Variants in MATN2 observed in about 807,000 individuals in gnomAD.
MATN2 encodes matrilin-2.
MATN2 carries 69 observed loss-of-function variants against 103.2 expected under a neutral mutation model. The ratio of observed to expected loss-of-function variants is 0.67; its 90% CI spans 0.55 to 0.82. The LOEUF is 0.82. Ranked by LOEUF, MATN2 falls within the 40% of genes least tolerant of loss-of-function variation. The probability of loss-of-function intolerance (pLI) is 0.00; values close to 1 mark genes in which losing one functional copy is unlikely to be tolerated. For missense variants in MATN2, 1,023 were observed against 1,211.5 expected (o/e 0.84, Z 2.31); for synonymous variants, 429 against 450.2 (o/e 0.95, Z 0.60).
intron 4 of MATN2, chr8:97,952,191 A>C (rs1315017142): frequency 1.3e-5 from 2 of 152,218 alleles, no homozygotes; most frequent in Non-Finnish European, 2.9e-5. Context: ...TCGTTTACCC[A>C]GTTGAGTGAA....
chr8:97,875,040 G>A (rs1057439915), intron 1 of MATN2, among the ~76,000 whole-genome samples: 3 of 152,030 alleles, frequency 2.0e-5, no homozygotes, highest in African/African-American at 4.8e-5. Context: ...GAGGACGCTC[G>A]TGATTACATT....
At position 97,961,809 on chromosome 8, in the gene MATN2, C is replaced by T. The variant is rs139611432; in HGVS notation, c.958+279C>T. Among the ~76,000 whole-genome samples the T allele has an allele frequency of 1.0e-3, 157 of 152,270 alleles. 1 individual carries two copies. Among genetic ancestry groups the T allele is most frequent in the Non-Finnish European group, 1.6e-3 (112 of 68,028 alleles). ...TGTTACTGCATCTCTTGAAAAGGAT[C>T]GGGTGGATTTTCTTCAACTTTGGAG... On this transcript the variant is annotated intron_variant, in intron 5 of 18. Transcript: ENST00000254898.
chr8:98,023,602 T>C (rs1813679460), intron 13 of MATN2, among the ~76,000 whole-genome samples: 1 of 152,042 alleles, frequency 6.6e-6, no homozygotes, highest in African/African-American at 2.4e-5. Flanking sequence ...GTGCAGGAGG[T>C]TGAGGCTACA....
At chr8:98,003,835 G>C (rs1812867791) in intron 8 of MATN2, 52 bp downstream of exon 8, 1 of 1,608,070 alleles carries the variant, frequency 6.2e-7, no homozygotes, top group Admixed American at 1.7e-5. Context: ...TCCACTCATG[G>C]GGGCGGGCGG....
At chr8:97,953,614 C>G (rs1811036698) in intron 4 of MATN2, among the ~76,000 whole-genome samples, 1 of 152,160 alleles carries the variant, frequency 6.6e-6, no homozygotes, top group South Asian at 2.1e-4. Context: ...CGGTGAAACC[C>G]TGTCTCTACT....
At chr8:97,882,277 T>A (rs1174292795) in intron 1 of MATN2, among the ~76,000 whole-genome samples, 1 of 151,996 alleles carries the variant, frequency 6.6e-6, no homozygotes, top group Non-Finnish European at 1.5e-5. Context: ...TTCCTTTTTT[T>A]AATGTATTAT....
chr8:97,874,654 A>G (rs986540132), intron 1 of MATN2, among the ~76,000 whole-genome samples: 2 of 151,226 alleles, frequency 1.3e-5, no homozygotes, highest in South Asian at 2.1e-4. Flanking sequence ...GGCTCAAGCA[A>G]TCCTCCTGCC....
intron 6 of MATN2, among the ~76,000 whole-genome samples, chr8:97,991,477 T>A (rs1812385215): frequency 6.6e-6 from 1 of 152,200 alleles, no homozygotes; most frequent in Admixed American, 6.5e-5. Flanking sequence ...ATCCTAGCAC[T>A]TTGAGAGGCC....
At chr8:97,992,931 T>TAAC (rs1812448860) in intron 6 of MATN2, among the ~76,000 whole-genome samples, 1 of 95,772 alleles carries the variant, frequency 1.0e-5, no homozygotes, top group African/African-American at 7.7e-5. Context: ...AAACAAACAA[T>TAAC]AATAATAATA....
intron 5 of MATN2, 134 bp from the exon 6 acceptor site, chr8:97,978,752 A>T: frequency 1.2e-6 from 1 of 848,680 alleles, no homozygotes; most frequent in Non-Finnish European, 1.9e-6. Context: ...TTGGGTTCAT[A>T]ACTGTTTATC....
At chr8:97,953,008 G>A (rs1017107372) in intron 4 of MATN2, among the ~76,000 whole-genome samples, 1 of 148,032 alleles carries the variant, frequency 6.8e-6, no homozygotes, top group Admixed American at 6.9e-5. Context: ...CTGCGACCTG[G>A]AACTCCCTGG....
At chr8:97,936,098 C>G (rs941002965) in intron 3 of MATN2, among the ~76,000 whole-genome samples, 1 of 152,182 alleles carries the variant, frequency 6.6e-6, no homozygotes, top group African/African-American at 2.4e-5. Flanking sequence ...CTTGAGACCA[C>G]CAGGGAGAGG....
chr8:97,989,249 C>CATGA (rs1281158797), intron 6 of MATN2, among the ~76,000 whole-genome samples: 1 of 152,142 alleles, frequency 6.6e-6, no homozygotes, highest in African/African-American at 2.4e-5. Context: ...GCGGGCGGAT[C>CATGA]ATGAGGTCAG....
chr8:98,023,977 G>A (rs918880456), intron 13 of MATN2, among the ~76,000 whole-genome samples: 3 of 152,158 alleles, frequency 2.0e-5, no homozygotes, highest in Non-Finnish European at 2.9e-5. Flanking sequence ...AGTTATAAGT[G>A]GGAGCTGAAC....
chr8:97,974,610 C>G (rs148969705), intron 5 of MATN2, among the ~76,000 whole-genome samples: 7,077 of 151,862 alleles, frequency 0.047, 536 homozygotes, highest in East Asian at 0.33. Context: ...CCACGCCCAG[C>G]TACTTTTTAT....
chr8:97,915,135 C>T (rs901296677), intron 2 of MATN2, among the ~76,000 whole-genome samples: 4 of 152,066 alleles, frequency 2.6e-5, no homozygotes, highest in Non-Finnish European at 4.4e-5. Flanking sequence ...TACAGGCGCA[C>T]GCCATCATGC....
intron 1 of MATN2, 96 bp from the exon 2 acceptor site, chr8:97,887,979 A>C: frequency 8.3e-7 from 1 of 1,206,336 alleles, no homozygotes; most frequent in Non-Finnish European, 1.1e-6. Flanking sequence ...GTCTGTTTGA[A>C]CTCTGAAAAG....
intron 1 of MATN2, among the ~76,000 whole-genome samples, chr8:97,876,239 G>T (rs1347355050): frequency 6.7e-6 from 1 of 148,292 alleles, no homozygotes; most frequent in Non-Finnish European, 1.5e-5. Context: ...ACCCAGGCTG[G>T]AGTGCAATGG....
At chr8:97,954,550 A>C (rs940296650) in intron 4 of MATN2, among the ~76,000 whole-genome samples, 4 of 152,206 alleles carry the variant, frequency 2.6e-5, no homozygotes, top group Admixed American at 2.6e-4. Context: ...CTTTGAATGC[A>C]GCTGTGGGAA....
Sources: gnomAD v4.1 joint callset for allele counts (sites outside exome capture counted in the v4.1 genomes callset) on GRCh38, gnomAD v4.1.1 for gene constraint, MANE v1.5 for transcripts, NCBI Gene and HGNC (gene_info 2026-07-23, HGNC 2026-07-21) for gene names.